The following NSD1 variants were observed in gnomAD, a reference collection of about 807,000 sequenced individuals.
The protein encoded by NSD1 is histone-lysine N-methyltransferase, H3 lysine-36 specific.
A neutral mutation model predicts 242.7 loss-of-function variants in NSD1; 26 were observed. That is an observed-to-expected ratio of 0.11 (90% CI 0.08 to 0.15). The LOEUF is 0.15. Ranked by LOEUF, NSD1 falls within the 10% of genes least tolerant of loss-of-function variation. The probability of loss-of-function intolerance (pLI) is 1.00; values close to 1 mark genes in which losing one functional copy is unlikely to be tolerated. For synonymous variants in NSD1, 1,106 were observed against 1,178.1 expected (o/e 0.94, Z 1.25); for missense variants, 2,495 against 3,272.8 (o/e 0.76, Z 5.80).
intron 4 of NSD1, among the ~76,000 whole-genome samples, chr5:177,206,702 G>T (rs73347613): frequency 0.04 from 6,093 of 152,178 alleles, 410 homozygotes; most frequent in African/African-American, 0.14. Flanking sequence ...TATTTCAGCT[G>T]GTTGCTGATA....
chr5:177,292,148 G>A lies in NSD1; in HGVS notation c.6453G>A (p.Lys2151=). Residue 2151 remains lysine, a synonymous_variant, in exon 22 of 23, where the codon AAG becomes AAA. Coordinates refer to ENST00000439151, the MANE Select transcript of NSD1 (RefSeq NM_022455.5). The part of the protein sequence containing the change: ...VYHADCLNLT[K]RPAGKWECPW... ...ACGCAGACTGTCTCAATCTGACCAA[G>A]CGACCAGCAGGTTGGTGCCAAAATC... The A allele has an allele frequency of 6.2e-7, 1 of 1,613,992 alleles. No homozygotes were observed. Among genetic ancestry groups the A allele is most frequent in the Non-Finnish European group, 8.5e-7 (1 of 1,179,988 alleles).
At position 177,274,767 on chromosome 5, in the gene NSD1, CCT is replaced by C. The variant is rs759389016; in HGVS notation, c.5622+984_5622+985del. 3.4e-3 allele frequency among the ~76,000 whole-genome samples: 509 copies of C among 150,908 alleles called. 2 individuals carry two copies. Among genetic ancestry groups the C allele is most frequent in the Non-Finnish European group, 5.3e-3 (358 of 67,768 alleles). On this transcript the variant is annotated intron_variant, in intron 17 of 22. Coordinates refer to ENST00000439151, the MANE Select transcript of NSD1 (RefSeq NM_022455.5). ...GTTTGTTTTTGAGATGGAGTCTCCC[CCT>C]GTCTCCTAGGCTGGAGTGCAGTGGT...
At chr5:177,133,515 G>C (rs944029127), upstream of NSD1, 3 of 151,384 alleles carry the variant, frequency 2.0e-5, no homozygotes, top group Non-Finnish European at 3.0e-5. The surrounding 1 kb of genome is among the most constrained non-coding windows in gnomAD (Gnocchi z 6.2). Context: ...CAGCCGGGCC[G>C]GCCCGTAGGC....
In NSD1 at chr5:177,135,600, C is replaced by T. The variant is rs1321096753; in HGVS notation, c.497C>T (p.Ser166Phe). The change falls in exon 2 of 23, where the codon TCT (serine) becomes TTT (phenylalanine). Residue 166 changes from serine (S) to phenylalanine (F), a missense_variant. By Grantham distance (155) the Ser-to-Phe change is radical. Around this residue, in one of 19 missense-constraint regions of NSD1, gnomAD observed 376 missense variants for 367.4 expected, o/e 1.02. Coordinates refer to ENST00000439151, the MANE Select transcript of NSD1 (RefSeq NM_022455.5). Reference protein sequence around the residue: ...FTCVDDADVDSEMDPEQPVTE... With the variant: ...FTCVDDADVDFEMDPEQPVTE... The stretch of plus-strand genomic sequence containing the variant: ...TGTGTGGACGATGCAGATGTAGATT[C>T]TGAAATGGACCCAGAACAGCCAGTC... 6.8e-6 allele frequency: 11 copies of T among 1,614,050 alleles called. No homozygotes were observed. The highest frequency in any genetic ancestry group is 9.3e-6 in the Non-Finnish European group (11 of 1,180,040).
chr5:177,293,731 A>G (rs1425156667), intron 22 of NSD1, 101 bp from the exon 23 acceptor site: 5 of 1,299,736 alleles, frequency 3.8e-6, no homozygotes, highest in Non-Finnish European at 5.5e-6. Context: ...GACAGTGTGA[A>G]GGAAGGTCAT....
chr5:177,197,638 A>C (rs1466000430), intron 3 of NSD1, among the ~76,000 whole-genome samples: 1 of 152,208 alleles, frequency 6.6e-6, no homozygotes, highest in Non-Finnish European at 1.5e-5. Flanking sequence ...TAAATAAAAC[A>C]GAACAATTAC....
upstream of NSD1, chr5:177,133,655 C>T (rs911458559): frequency 1.3e-5 from 2 of 149,258 alleles, no homozygotes; most frequent in African/African-American, 4.9e-5. This position sits in a 1 kb window ranked among gnomAD's most constrained non-coding sequence, Gnocchi z 6.2. Context: ...GGAACGCGCG[C>T]GCTCGGTGGG....
chr5:177,229,082 T>A (rs566924353), intron 5 of NSD1, among the ~76,000 whole-genome samples: 40 of 148,396 alleles, frequency 2.7e-4, no homozygotes, highest in East Asian at 9.8e-4. Context: ...TTTTCTGATT[T>A]AAAAAAAAAA....
At chr5:177,258,468 G>A (rs1451790874) in intron 13 of NSD1, among the ~76,000 whole-genome samples, 1 of 151,898 alleles carries the variant, frequency 6.6e-6, no homozygotes, top group East Asian at 1.9e-4. Flanking sequence ...TGTGCATATA[G>A]GTAAACTTAA....
intron 3 of NSD1, among the ~76,000 whole-genome samples, chr5:177,193,955 T>G (rs577194781): frequency 3.3e-5 from 5 of 151,964 alleles, no homozygotes; most frequent in Non-Finnish European, 7.4e-5. Flanking sequence ...TTTTTGTATT[T>G]TAGTAGAGAC....
chr5:177,172,574 C>T (rs899494295), intron 2 of NSD1, among the ~76,000 whole-genome samples: 4 of 152,158 alleles, frequency 2.6e-5, no homozygotes, highest in Admixed American at 1.3e-4. Context: ...AACTAGCCTG[C>T]AGTCCAAATA....
At chr5:177,291,903 T>A in intron 21 of NSD1, 51 bp from the exon 22 acceptor site, 1 of 1,534,260 alleles carries the variant, frequency 6.5e-7, no homozygotes, top group East Asian at 2.3e-5. Context: ...CCGGTTAAGA[T>A]TGGTACTAAT....
intron 2 of NSD1, among the ~76,000 whole-genome samples, chr5:177,163,142 C>CTTT (rs1237651560): frequency 7.5e-5 from 10 of 133,112 alleles, no homozygotes; most frequent in East Asian, 6.8e-4. Context: ...TGAAATGTCT[C>CTTT]TTTTTTTTTT....
At chr5:177,265,820 T>C (rs1757388653) in intron 14 of NSD1, 10 of 1,398,130 alleles carry the variant, frequency 7.2e-6, no homozygotes, top group Non-Finnish European at 1.0e-5. Context: ...GTGCGTAAAC[T>C]CGATGTTGAA....
At chr5:177,207,593 A>ATTTTTTTTTTTTTTTTTTTTTTTTTTT (rs150492535) in intron 4 of NSD1, among the ~76,000 whole-genome samples, 3 of 78,218 alleles carry the variant, frequency 3.8e-5, no homozygotes, top group African/African-American at 2.1e-4. Flanking sequence ...ATTTATTTAA[A>ATTTTTTTTTTTTTTTTTTTTTTTTTTT]TTTTTTTTTT....
At position 177,238,112 on chromosome 5, in the gene NSD1, C is replaced by A; in HGVS notation, c.3922-125C>A. On this transcript the variant is annotated intron_variant, in intron 6 of 22. Transcript: ENST00000439151. The surrounding 1 kb of genome is among the most constrained non-coding windows in gnomAD (Gnocchi z 4.6). The stretch of plus-strand genomic sequence containing the variant: ...TTTCCCTTAGCATACATAATGTCTT[C>A]AAGGTTCATCCACTTTTTGTAGCCT... 1 of 1,056,094 alleles carries A rather than the reference C, an allele frequency of 9.5e-7. No homozygotes were observed. Among genetic ancestry groups the A allele is most frequent in the Non-Finnish European group, 1.5e-6 (1 of 679,496 alleles). 65.4% of individuals were successfully genotyped at this position (1,056,094 alleles called of 1,614,324 possible). A position where few individuals can be genotyped will look rare whatever the true frequency, so the allele number is the denominator to read the frequency against.
rs75981583 is a variant in NSD1, at chr5:177,298,600, G to A, written c.*3141G>A. The A allele has an allele frequency of 6.8e-3, 1,580 of 233,240 alleles. 21 individuals are homozygous for A. The highest frequency in any genetic ancestry group is 0.032 in the African/African-American group (1,470 of 45,434). The allele number at this position is 233,240 out of a possible 1,614,324, so 14.4% of individuals were successfully genotyped here. On this transcript the variant is annotated 3_prime_UTR_variant, in exon 23 of 23. Coordinates refer to ENST00000439151, the MANE Select transcript of NSD1 (RefSeq NM_022455.5). ...TAAATCACTGTGTTGACCCTCTTCT[G>A]AACCAAATCTTTAGCATTGATGAAA... is the stretch of plus-strand genomic sequence containing the variant.
At chr5:177,222,451 T>A (rs1764313267) in intron 5 of NSD1, among the ~76,000 whole-genome samples, 1 of 152,192 alleles carries the variant, frequency 6.6e-6, no homozygotes, top group Non-Finnish European at 1.5e-5. Context: ...TGCTTTACCA[T>A]AATATATCCC....
chr5:177,159,007 TATATATATATATATATATGAATG>T lies in NSD1; in HGVS notation c.927+23002_927+23024del, dbSNP rs1473363354. The stretch of plus-strand genomic sequence containing the variant: ...ATATATATGAATGATTTTATATATA[TATATATATATATATATATGAATG>T]ATATATATATATATATATGAATGAA... On this transcript the variant is annotated intron_variant, in intron 2 of 22. Transcript: ENST00000439151. 5.0e-3 allele frequency among the ~76,000 whole-genome samples: 468 copies of T among 93,000 alleles called. 3 individuals carry two copies. The highest frequency in any genetic ancestry group is 0.022 in the African/African-American group (428 of 19,460). 61.0% of individuals were successfully genotyped at this position (93,000 alleles called of 152,430 possible).
Sources: gnomAD v4.1 joint callset for allele counts (sites outside exome capture counted in the v4.1 genomes callset) on GRCh38, gnomAD v4.1.1 for gene constraint, gnomAD v4.1.1 regional missense constraint, Gnocchi (gnomAD v3.1) non-coding constraint, MANE v1.5 for transcripts, NCBI Gene and HGNC (gene_info 2026-07-23, HGNC 2026-07-21) for gene names.